Variants in TENM3 observed in about 807,000 individuals in gnomAD.
The protein encoded by TENM3 is teneurin-3.
A neutral mutation model predicts 255.1 loss-of-function variants in TENM3; 63 were observed. The ratio of observed to expected loss-of-function variants is 0.25; its 90% CI spans 0.20 to 0.30. TENM3 has a LOEUF of 0.30. TENM3 is among the 10% of genes least tolerant of loss of function. TENM3 has a pLI of 1.00. For missense variants in TENM3, 2,929 were observed against 3,461.1 expected (o/e 0.85, Z 3.86); for synonymous variants, 1,306 against 1,322.3 (o/e 0.99, Z 0.27).
the TENM3 span, among the ~76,000 whole-genome samples, chr4:181,635,215 AT>A: frequency 1.3e-5 from 2 of 152,128 alleles, no homozygotes; most frequent in East Asian, 1.9e-4. Flanking sequence ...CGTGACCTAA[AT>A]TTTTTATTGT....
At chr4:182,257,049 G>A (rs1055625938) in intron 1 of TENM3, among the ~76,000 whole-genome samples, 2 of 152,192 alleles carry the variant, frequency 1.3e-5, no homozygotes, top group African/African-American at 4.8e-5. Context: ...AGCTGCCATA[G>A]GGTGTAATGG....
intron 1 of TENM3, among the ~76,000 whole-genome samples, chr4:182,199,119 G>A (rs1014925266): frequency 7.2e-5 from 11 of 152,136 alleles, no homozygotes; most frequent in East Asian, 1.9e-4. Flanking sequence ...AGGAAGTACC[G>A]GTGTGGGGAC....
At chr4:182,325,133 T>C (rs1193324216) in intron 2 of TENM3, among the ~76,000 whole-genome samples, 2 of 152,238 alleles carry the variant, frequency 1.3e-5, no homozygotes, top group African/African-American at 4.8e-5. Flanking sequence ...ATTCTTTAGC[T>C]AATTTAATCT....
At chr4:181,823,171 G>T in the TENM3 span, among the ~76,000 whole-genome samples, 1 of 152,182 alleles carries the variant, frequency 6.6e-6, no homozygotes, top group Admixed American at 6.5e-5. Flanking sequence ...GCTGGTTATT[G>T]AATGAGACTT....
the TENM3 span, among the ~76,000 whole-genome samples, chr4:182,003,554 T>G: frequency 6.6e-6 from 1 of 152,146 alleles, no homozygotes; most frequent in African/African-American, 2.4e-5. Flanking sequence ...CGTAATGATT[T>G]GATTTTTTTG....
chr4:181,802,710 T>TTCA, the TENM3 span, among the ~76,000 whole-genome samples: 1 of 152,214 alleles, frequency 6.6e-6, no homozygotes, highest in Non-Finnish European at 1.5e-5. Flanking sequence ...TGTTTATACC[T>TTCA]TTGTGAGCAG....
rs111839761 is a variant in TENM3, at chr4:182,800,686, GA to G, written c.*344del. 28 of 192,578 alleles carry G rather than the reference GA, an allele frequency of 1.5e-4. No homozygotes were observed. Among genetic ancestry groups the G allele is most frequent in the Non-Finnish European group, 2.4e-4 (23 of 94,116 alleles). The allele number at this position is 192,578 out of a possible 1,614,324, so 11.9% of individuals were successfully genotyped here. A position where few individuals can be genotyped will look rare whatever the true frequency, so the allele number is the denominator to read the frequency against. ...ACTGTATTTAACTAACTTTAAAAAA[GA>G]AAAAAAAATGTGTACAGTGTTTCCA... On this transcript the variant is annotated 3_prime_UTR_variant, in exon 28 of 28. Coordinates refer to ENST00000511685, the MANE Select transcript of TENM3 (RefSeq NM_001080477.4).
At chr4:182,500,928 T>C (rs2151648346) in intron 3 of TENM3, among the ~76,000 whole-genome samples, 1 of 152,258 alleles carries the variant, frequency 6.6e-6, no homozygotes, top group East Asian at 1.9e-4. Flanking sequence ...ATATATACTC[T>C]GCATATTTGA....
At chr4:181,554,108 AACAGT>A in the TENM3 span, among the ~76,000 whole-genome samples, 1 of 152,174 alleles carries the variant, frequency 6.6e-6, no homozygotes, top group African/African-American at 2.4e-5. Context: ...GGATAAGTAG[AACAGT>A]ACCATGGAAA....
the TENM3 span, among the ~76,000 whole-genome samples, chr4:181,788,549 C>T: frequency 2.0e-5 from 3 of 152,114 alleles, no homozygotes; most frequent in Middle Eastern, 3.2e-3. Flanking sequence ...TGTAGCCCAC[C>T]GCTGTGCTTT....
At chr4:181,635,493 A>T in the TENM3 span, among the ~76,000 whole-genome samples, 91 of 152,360 alleles carry the variant, frequency 6.0e-4, no homozygotes, top group Non-Finnish European at 1.0e-3. Flanking sequence ...AGATGGCTGC[A>T]GGTGAACAAG....
intron 3 of TENM3, among the ~76,000 whole-genome samples, chr4:182,514,975 A>T (rs1416942679): frequency 1.3e-5 from 2 of 152,242 alleles, no homozygotes; most frequent in Non-Finnish European, 2.9e-5. Flanking sequence ...CAGTCAATTA[A>T]TATTGAGAAA....
intron 3 of TENM3, among the ~76,000 whole-genome samples, chr4:182,399,832 C>T (rs1301801588): frequency 1.3e-5 from 2 of 152,094 alleles, no homozygotes; most frequent in Non-Finnish European, 2.9e-5. Context: ...TAGTCTGTCA[C>T]TTCACCTGAC....
intron 3 of TENM3, among the ~76,000 whole-genome samples, chr4:182,477,740 C>T (rs1006256410): frequency 1.3e-5 from 2 of 152,150 alleles, no homozygotes; most frequent in African/African-American, 4.8e-5. Flanking sequence ...CAAATCACAT[C>T]TGAGATACAC....
the TENM3 span, among the ~76,000 whole-genome samples, chr4:181,676,221 T>C: frequency 6.6e-6 from 1 of 152,238 alleles, no homozygotes; most frequent in South Asian, 2.1e-4. Flanking sequence ...TGGCCTAAAT[T>C]GCTGTTGATA....
chr4:182,400,060 C>A (rs549214696), intron 3 of TENM3, among the ~76,000 whole-genome samples: 2 of 151,970 alleles, frequency 1.3e-5, no homozygotes, highest in Admixed American at 1.3e-4. Flanking sequence ...CTTTTATTTT[C>A]TGTCTCCATT....
At chr4:182,160,897 C>T (rs977337916) in intron 1 of TENM3, among the ~76,000 whole-genome samples, 4 of 135,848 alleles carry the variant, frequency 2.9e-5, no homozygotes, top group African/African-American at 5.4e-5. Context: ...TACATCCTTC[C>T]GTAATGTATA....
chr4:182,538,960 A>G (rs1296474878), intron 3 of TENM3, among the ~76,000 whole-genome samples: 10 of 151,954 alleles, frequency 6.6e-5, no homozygotes, highest in Non-Finnish European at 1.2e-4. Flanking sequence ...GGAGATGTCA[A>G]GCCACTAGAT....
intron 1 of TENM3, among the ~76,000 whole-genome samples, chr4:182,152,926 T>G (rs1165381629): frequency 6.6e-6 from 1 of 151,960 alleles, no homozygotes; most frequent in Non-Finnish European, 1.5e-5. Context: ...ACCTTTTAGT[T>G]AAAAGTGCAG....
Sources: allele counts gnomAD v4.1 joint callset (sites outside exome capture counted in the v4.1 genomes callset), GRCh38; gene constraint gnomAD v4.1.1; transcripts MANE v1.5; gene names NCBI Gene and HGNC (gene_info 2026-07-23, HGNC 2026-07-21).